VCAN: variants seen among roughly 807,000 people sequenced by gnomAD.
VCAN encodes the protein versican.
In VCAN, 44 loss-of-function variants were observed where a neutral mutation model predicts 245.5. The observed-to-expected ratio is 0.18, with a 90% CI of 0.14 to 0.23. The LOEUF (loss-of-function observed/expected upper bound fraction) is 0.23. Ranked by LOEUF, VCAN falls within the 10% of genes least tolerant of loss-of-function variation. The pLI, the probability that VCAN is intolerant of heterozygous loss-of-function variation, is 1.00. For missense variants in VCAN, 3,793 were observed against 4,057.9 expected, an observed-to-expected ratio of 0.93 and a Z score of 1.77; for synonymous variants, 1,413 against 1,437.0, an observed-to-expected ratio of 0.98 and a Z score of 0.38.
chr5:83,511,632 A>G (rs1745662906), intron 5 of VCAN, among the ~76,000 whole-genome samples: 1 of 151,934 alleles, frequency 6.6e-6, no homozygotes, highest in South Asian at 2.1e-4. Flanking sequence ...AATGAGAAGG[A>G]AGGCCAGAGA....
chr5:83,523,930 A>G (rs1209482782), intron 7 of VCAN, among the ~76,000 whole-genome samples: 1 of 152,174 alleles, frequency 6.6e-6, no homozygotes, highest in Non-Finnish European at 1.5e-5. Flanking sequence ...AAGGAAGCAA[A>G]AAGTAAATGA....
chr5:83,505,747 C>T (rs1745463248), intron 5 of VCAN, among the ~76,000 whole-genome samples: 1 of 152,236 alleles, frequency 6.6e-6, no homozygotes, highest in Non-Finnish European at 1.5e-5. Flanking sequence ...CATTTCCCTT[C>T]TGCACTGCCC....
intron 3 of VCAN, among the ~76,000 whole-genome samples, chr5:83,491,544 T>C (rs186374014): frequency 6.6e-6 from 1 of 152,334 alleles, no homozygotes. Context: ...TCATTATTTT[T>C]GTTAGCCTCA....
intron 12 of VCAN, among the ~76,000 whole-genome samples, chr5:83,560,281 A>AT (rs928291465): frequency 5.9e-5 from 9 of 151,632 alleles, no homozygotes; most frequent in East Asian, 3.9e-4. Context: ...TTGGAGGAGG[A>AT]TTTTTTTTTC....
chr5:83,501,177 T>C (rs1234629098), intron 5 of VCAN, among the ~76,000 whole-genome samples: 1 of 152,164 alleles, frequency 6.6e-6, no homozygotes, highest in African/African-American at 2.4e-5. Context: ...AAATTTTGAG[T>C]GCTCTTTGTA....
intron 7 of VCAN, chr5:83,535,900 A>T (rs1746688414): frequency 6.6e-6 from 1 of 152,156 alleles, no homozygotes; most frequent in South Asian, 2.1e-4. Flanking sequence ...ATGGGTCAGT[A>T]TATCCACAGG....
intron 8 of VCAN, among the ~76,000 whole-genome samples, chr5:83,543,755 T>A (rs2445874): frequency 0.87 from 132,577 of 152,212 alleles, 57,787 homozygotes; most frequent in Admixed American, 0.89. Context: ...TGTACCAATT[T>A]TCCAGTTTAC....
chr5:83,525,208 A>G (rs940929166), intron 7 of VCAN, among the ~76,000 whole-genome samples: 7 of 152,108 alleles, frequency 4.6e-5, no homozygotes, highest in South Asian at 2.1e-4. Flanking sequence ...TCAGCTCATA[A>G]AAGTTTTATG....
intron 9 of VCAN, among the ~76,000 whole-genome samples, chr5:83,547,423 A>G (rs1318734475): frequency 6.6e-6 from 1 of 152,214 alleles, no homozygotes; most frequent in East Asian, 1.9e-4. Flanking sequence ...TGCCCTGGGC[A>G]ATTGGGATCC....
chr5:83,527,371 G>A (rs1746343420), intron 7 of VCAN, among the ~76,000 whole-genome samples: 1 of 152,138 alleles, frequency 6.6e-6, no homozygotes, highest in Admixed American at 6.6e-5. Context: ...CTTTTCCTGA[G>A]CTCCAGCTGT....
intron 11 of VCAN, among the ~76,000 whole-genome samples, chr5:83,554,411 G>C (rs1001632030): frequency 6.6e-6 from 1 of 152,186 alleles, no homozygotes; most frequent in South Asian, 2.1e-4. Context: ...ACTTTACTGC[G>C]TGATATCCTT....
At chr5:83,493,133 G>A (rs564065957) in intron 3 of VCAN, among the ~76,000 whole-genome samples, 5 of 152,318 alleles carry the variant, frequency 3.3e-5, no homozygotes, top group Non-Finnish European at 5.9e-5. Context: ...TAAATATTGG[G>A]TTGACCCCGG....
At chr5:83,531,130 A>T (rs1260316387) in intron 7 of VCAN, among the ~76,000 whole-genome samples, 1 of 152,194 alleles carries the variant, frequency 6.6e-6, no homozygotes, top group East Asian at 1.9e-4. Context: ...TAATGTAAGT[A>T]TTAAAAAGGA....
At position 83,543,286 on chromosome 5, in the gene VCAN, A is replaced by G. The variant is rs910215225; in HGVS notation, c.9265+1018A>G. Reference sequence around the variant, plus strand: ...CATAATGTTATTATTTAAATTAACAATGTCAGTGGAATCCACAAATAGACA... The same window carrying G: ...CATAATGTTATTATTTAAATTAACAGTGTCAGTGGAATCCACAAATAGACA... On this transcript the variant is annotated intron_variant, in intron 8 of 14. Coordinates refer to ENST00000265077, the MANE Select transcript of VCAN (RefSeq NM_004385.5). 3.3e-5 allele frequency among the ~76,000 whole-genome samples: 5 copies of G among 152,348 alleles called. No individual in the cohort carries two copies. In the East Asian group the frequency reaches 9.6e-4, roughly 29 times the overall value.
At chr5:83,560,854 C>T (rs1258991803) in intron 12 of VCAN, among the ~76,000 whole-genome samples, 1 of 152,118 alleles carries the variant, frequency 6.6e-6, no homozygotes, top group Non-Finnish European at 1.5e-5. Context: ...TGATTCCCCC[C>T]AGCACCATCA....
intron 7 of VCAN, among the ~76,000 whole-genome samples, chr5:83,529,866 T>G (rs1043625235): frequency 6.6e-6 from 1 of 152,134 alleles, no homozygotes; most frequent in Admixed American, 6.6e-5. Context: ...TAATCTCCTG[T>G]GGGCTTTAAA....
chr5:83,539,525 C>T lies in VCAN; in HGVS notation c.6522C>T (p.Asp2174=). 6.2e-7 allele frequency: 1 copy of T among 1,613,928 alleles called. No individual in the cohort carries two copies. Among genetic ancestry groups the T allele is most frequent in the Non-Finnish European group, 8.5e-7 (1 of 1,179,954 alleles). The change falls in exon 8 of 15, where the codon GAC becomes GAT. Residue 2174 remains aspartate (D), a synonymous_variant. Coordinates refer to ENST00000265077, the MANE Select transcript of VCAN (RefSeq NM_004385.5). ...YSDDKEMKEE[D]TSLVNMSTPD... ...ATGATAAAGAAATGAAGGAGGAAGA[C>T]ACTTCTTTAGTTAACATGTCTACTC...
intron 1 of VCAN, 49 bp from the exon 2 acceptor site, chr5:83,483,464 T>A: frequency 6.6e-7 from 1 of 1,521,066 alleles, no homozygotes; most frequent in South Asian, 1.1e-5. Flanking sequence ...TATGACCCAC[T>A]TTAAACCTGA....
chr5:83,524,710 T>G (rs1200153414), intron 7 of VCAN, among the ~76,000 whole-genome samples: 1 of 152,146 alleles, frequency 6.6e-6, no homozygotes, highest in Non-Finnish European at 1.5e-5. Flanking sequence ...TAATATTATT[T>G]ATTTTCTATG....
Sources: gnomAD v4.1 joint callset for allele counts (sites outside exome capture counted in the v4.1 genomes callset) on GRCh38, gnomAD v4.1.1 for gene constraint, MANE v1.5 for transcripts, NCBI Gene and HGNC (gene_info 2026-07-23, HGNC 2026-07-21) for gene names.